NRDC: variants seen among roughly 807,000 people sequenced by gnomAD.
NRDC encodes nardilysin convertase, also known as nardilysin.
Under a neutral mutation model 147.1 loss-of-function variants are expected in NRDC, and 54 were observed. The observed-to-expected ratio is 0.37, with a 90% CI of 0.29 to 0.46. NRDC has a LOEUF of 0.46. NRDC is among the 20% of genes least tolerant of loss of function. NRDC has a pLI of 1.00. For missense variants in NRDC, 1,082 were observed against 1,370.6 expected (o/e 0.79, Z 3.33); for synonymous variants, 440 against 482.1 (o/e 0.91, Z 1.14).
At chr1:51,835,009 G>T (rs192396391) in intron 3 of NRDC, among the ~76,000 whole-genome samples, 2,741 of 152,152 alleles carry the variant, frequency 0.018, 81 homozygotes, top group African/African-American at 0.063. Context: ...ATAAATATTT[G>T]TAAAATAAAA....
At chr1:51,874,524 A>G (rs537155181) in intron 1 of NRDC, among the ~76,000 whole-genome samples, 181 of 152,020 alleles carry the variant, frequency 1.2e-3, no homozygotes, top group African/African-American at 4.2e-3. Context: ...TGGAAGGATC[A>G]CCTAAGCCTG....
At chr1:51,849,217 T>C (rs1681811820) in intron 1 of NRDC, among the ~76,000 whole-genome samples, 1 of 151,724 alleles carries the variant, frequency 6.6e-6, no homozygotes, top group Non-Finnish European at 1.5e-5. Context: ...AAACCCCGTC[T>C]CTACTAAAAA....
chr1:51,850,795 C>T (rs1391692352), intron 1 of NRDC, among the ~76,000 whole-genome samples: 1 of 152,184 alleles, frequency 6.6e-6, no homozygotes, highest in Non-Finnish European at 1.5e-5. Flanking sequence ...CCTTTAAAAA[C>T]TGTTACCTGC....
chr1:51,838,305 T>C (rs544562337), intron 2 of NRDC, among the ~76,000 whole-genome samples: 4 of 152,328 alleles, frequency 2.6e-5, no homozygotes, highest in Admixed American at 2.6e-4. Flanking sequence ...GAATTTGATC[T>C]ACCTAAGCAA....
At chr1:51,864,491 T>G (rs112938002) in intron 1 of NRDC, among the ~76,000 whole-genome samples, 1 of 152,200 alleles carries the variant, frequency 6.6e-6, no homozygotes, top group African/African-American at 2.4e-5. Context: ...TTTTTTGATA[T>G]ACAAGTACTT....
intron 9 of NRDC, among the ~76,000 whole-genome samples, chr1:51,819,479 GGCAAAAGA>G (rs1249719193): frequency 6.6e-6 from 1 of 151,988 alleles, no homozygotes; most frequent in Non-Finnish European, 1.5e-5. Context: ...TTCATTTAAA[GGCAAAAGA>G]GCAGAATATA....
rs368119199 is a variant in NRDC, at chr1:51,798,325, G to A, written c.2528C>T (p.Ser843Phe). The A allele has an allele frequency of 6.2e-7, 1 of 1,613,904 alleles. No homozygotes were observed. Among genetic ancestry groups the A allele is most frequent in the African/African-American group, 1.3e-5 (1 of 74,894 alleles). The change falls in exon 22 of 31, where the codon TCT (serine) becomes TTT (phenylalanine). Residue 843 changes from serine (S) to phenylalanine (F), a missense_variant. Coordinates refer to ENST00000352171, the MANE Select transcript of NRDC (RefSeq NM_001101662.2). ...QALMDGLSLE[S>F]LLSFVKEFKS... is the part of the protein sequence containing the mutation. The stretch of plus-strand genomic sequence containing the variant: ...GAATTCTTTGACGAAGCTCAGCAGA[G>A]ACTCAAGGGAAAGGCCGTCCATCAA...
chr1:51,832,368 A>T (rs962747892), intron 4 of NRDC, among the ~76,000 whole-genome samples: 2 of 152,022 alleles, frequency 1.3e-5, no homozygotes, highest in Admixed American at 1.3e-4. Context: ...AAAATATTAG[A>T]TCTCTATCAT....
In NRDC at chr1:51,878,697, T is replaced by A; in HGVS notation, c.-82A>T. 1 of 1,279,128 alleles carries A rather than the reference T, an allele frequency of 7.8e-7. No individual in the cohort carries two copies. Among genetic ancestry groups the A allele is most frequent in the Non-Finnish European group, 1.1e-6 (1 of 920,216 alleles). 79.2% of individuals were successfully genotyped at this position (1,279,128 alleles called of 1,614,324 possible). A position where few individuals can be genotyped will look rare whatever the true frequency, so the allele number is the denominator to read the frequency against. On this transcript the variant is annotated 5_prime_UTR_variant, in exon 1 of 31. Coordinates refer to ENST00000352171, the MANE Select transcript of NRDC (RefSeq NM_001101662.2). ...TTCTAGAGGCGGTGGCGGCCGGCCC[T>A]GGTGCTGCCGCAGCCGCGGGGAACA...
At chr1:51,794,759 T>C in intron 23 of NRDC, 64 bp downstream of exon 23, 1 of 1,599,802 alleles carries the variant, frequency 6.3e-7, no homozygotes, top group Non-Finnish European at 8.5e-7. Flanking sequence ...TTAACTGAAT[T>C]GTGGCTCCAT....
intron 20 of NRDC, among the ~76,000 whole-genome samples, chr1:51,802,230 C>A (rs759250053): frequency 7.2e-5 from 11 of 152,124 alleles, no homozygotes; most frequent in Non-Finnish European, 1.6e-4. Flanking sequence ...TTATGATCAT[C>A]AATTTCCTAA....
intron 1 of NRDC, 81 bp from the exon 2 acceptor site, chr1:51,840,595 T>TA: frequency 1.1e-6 from 1 of 952,374 alleles, no homozygotes; most frequent in East Asian, 2.4e-5. Context: ...AGCAGAATTT[T>TA]AAAAAAAGAA....
intron 4 of NRDC, among the ~76,000 whole-genome samples, chr1:51,830,652 C>T (rs998178741): frequency 1.6e-4 from 25 of 152,148 alleles, no homozygotes; most frequent in African/African-American, 6.0e-4. Flanking sequence ...TTTGTATTCC[C>T]GCTTATAATG....
In NRDC at chr1:51,814,065, A is replaced by G. The variant is rs772320512; in HGVS notation, c.1644T>C (p.Ile548=). 1 of 1,604,576 alleles carries G rather than the reference A, an allele frequency of 6.2e-7. No individual in the cohort carries two copies. The highest frequency in any genetic ancestry group is 1.1e-5 in the South Asian group (1 of 90,708). ...EKRIFEEIRK[I]EDNEFHYQEQ... ...CTTGGTAATGAAATTCATTATCCTC[A>G]ATTTTCCGAATCTCTTCAAAAATTC... The change falls in exon 14 of 31, where the codon ATT becomes ATC. Residue 548 remains isoleucine (I), a synonymous_variant. Coordinates refer to ENST00000352171, the MANE Select transcript of NRDC (RefSeq NM_001101662.2).
At chr1:51,841,445 T>C (rs1399406808) in intron 1 of NRDC, among the ~76,000 whole-genome samples, 1 of 152,088 alleles carries the variant, frequency 6.6e-6, no homozygotes, top group African/African-American at 2.4e-5. Context: ...GTAGCTGGGA[T>C]CACAGGCACA....
At chr1:51,798,197 C>T in intron 22 of NRDC, 52 bp downstream of exon 22, 1 of 1,568,868 alleles carries the variant, frequency 6.4e-7, no homozygotes, top group South Asian at 1.1e-5. Flanking sequence ...TATGGCAATT[C>T]CAGAGTTCAC....
Position 51,819,804 on chromosome 1 carries a change from A to G in NRDC, c.1287T>C (p.Tyr429=), listed in dbSNP as rs1413684253. The change falls in exon 9 of 31, where the codon TAT becomes TAC. Residue 429 remains tyrosine (Y), a synonymous_variant. Coordinates refer to ENST00000352171, the MANE Select transcript of NRDC (RefSeq NM_001101662.2). The part of the protein sequence containing the change: ...PFDTPAFNKL[Y]RVVPIRKIHA... Reference sequence around the variant, plus strand: ...TTAAACTTTTGGTTCACAAACCTCTATAAAGTTTGTTAAATGCTGGTGTGT... The same window carrying G: ...TTAAACTTTTGGTTCACAAACCTCTGTAAAGTTTGTTAAATGCTGGTGTGT... 2.5e-6 allele frequency: 4 copies of G among 1,603,034 alleles called. No homozygotes were observed. The highest frequency in any genetic ancestry group is 2.6e-6 in the Non-Finnish European group (3 of 1,173,712).
At chr1:51,829,239 C>T (rs1195499464) in intron 4 of NRDC, among the ~76,000 whole-genome samples, 1 of 152,102 alleles carries the variant, frequency 6.6e-6, no homozygotes, top group Admixed American at 6.5e-5. Context: ...AATTTTTTTC[C>T]CTCACCATGT....
At chr1:51,842,948 C>T (rs1681343727) in intron 1 of NRDC, among the ~76,000 whole-genome samples, 1 of 151,470 alleles carries the variant, frequency 6.6e-6, no homozygotes. Flanking sequence ...TCTATGGTCC[C>T]AGCTACTCCA....
Sources: gnomAD v4.1 joint callset for allele counts (sites outside exome capture counted in the v4.1 genomes callset) on GRCh38, gnomAD v4.1.1 for gene constraint, MANE v1.5 for transcripts, NCBI Gene and HGNC (gene_info 2026-07-23, HGNC 2026-07-21) for gene names.